Variants in EIF3H observed in about 807,000 individuals in gnomAD.
The protein encoded by EIF3H is eIF-3-gamma.
Under a neutral mutation model 44.2 loss-of-function variants are expected in EIF3H, and 26 were observed. The ratio of observed to expected loss-of-function variants is 0.59; its 90% CI spans 0.43 to 0.82. The LOEUF (loss-of-function observed/expected upper bound fraction) is 0.82. Among genes scored for constraint, EIF3H ranks in the 40% least tolerant of loss-of-function variants. The pLI is 0.00. For missense variants in EIF3H, 359 were observed against 432.8 expected (o/e 0.83, Z 1.51); for synonymous variants, 166 against 151.9 (o/e 1.09, Z -0.68).
intron 1 of EIF3H, among the ~76,000 whole-genome samples, chr8:116,747,148 T>C (rs201150272): frequency 6.6e-6 from 1 of 151,350 alleles, no homozygotes; most frequent in Non-Finnish European, 1.5e-5. Context: ...CTGCAACCTC[T>C]GCCTCCCAGG....
At chr8:116,663,053 T>A (rs888359247) in intron 2 of EIF3H, among the ~76,000 whole-genome samples, 1 of 152,132 alleles carries the variant, frequency 6.6e-6, no homozygotes, top group Non-Finnish European at 1.5e-5. Context: ...AATTGGTTTG[T>A]GATGAAGATG....
chr8:116,742,422 T>A (rs563019978), intron 1 of EIF3H, among the ~76,000 whole-genome samples: 2 of 152,380 alleles, frequency 1.3e-5, no homozygotes, highest in East Asian at 3.9e-4. Flanking sequence ...GTTTAATTTA[T>A]AAGTTTCTGC....
rs553515724 is a variant in EIF3H at position 116,696,887 on chromosome 8, A to C, written c.289+29129T>G. ...GCCCTGCACACACAAAAAAGTCAAA[A>C]GCACAGGTGACAAAACTTTTGTAAA... On this transcript the variant is annotated intron_variant, in intron 2 of 7. Transcript: ENST00000521861. 1.1e-3 allele frequency among the ~76,000 whole-genome samples: 170 copies of C among 152,366 alleles called. 2 individuals are homozygous for C. The highest frequency in any genetic ancestry group is 3.8e-3 in the African/African-American group (160 of 41,582).
chr8:116,735,965 G>T (rs1252496175), intron 1 of EIF3H, among the ~76,000 whole-genome samples: 7 of 152,114 alleles, frequency 4.6e-5, no homozygotes, highest in Non-Finnish European at 1.0e-4. Flanking sequence ...CGCTGAAAAA[G>T]CTTCACATTT....
intron 1 of EIF3H, among the ~76,000 whole-genome samples, chr8:116,752,665 G>GAAGAAAGAAAGAAGGAAAGA (rs1815360957): frequency 1.6e-5 from 1 of 62,554 alleles, no homozygotes; most frequent in Non-Finnish European, 3.0e-5. Context: ...AGACAGAAAT[G>GAAGAAAGAAAGAAGGAAAGA]AAGAAAGAAA....
intron 2 of EIF3H, among the ~76,000 whole-genome samples, chr8:116,724,229 G>A (rs572694156): frequency 5.6e-4 from 86 of 152,252 alleles, no homozygotes; most frequent in African/African-American, 2.1e-3. Flanking sequence ...TTCAACAGAT[G>A]GTGCTAGGAA....
intron 6 of EIF3H, among the ~76,000 whole-genome samples, chr8:116,648,287 T>C (rs1232762468): frequency 6.6e-6 from 1 of 152,224 alleles, no homozygotes; most frequent in Non-Finnish European, 1.5e-5. Context: ...AAGAAAAGGT[T>C]ATATGGTCAC....
chr8:116,754,753 A>G (rs1364541020), intron 1 of EIF3H, among the ~76,000 whole-genome samples: 1 of 152,272 alleles, frequency 6.6e-6, no homozygotes, highest in Non-Finnish European at 1.5e-5. Context: ...ATCCAGTTTA[A>G]CTAAGTCAGT....
Position 116,752,734 on chromosome 8 carries a change from AG to A in EIF3H, c.132+2931del, listed in dbSNP as rs570419522. Among the ~76,000 whole-genome samples the A allele has an allele frequency of 5.0e-3, 511 of 101,890 alleles. 4 individuals carry two copies. Among genetic ancestry groups the A allele is most frequent in the African/African-American group, 0.011 (295 of 27,972 alleles). The allele number at this position is 101,890 out of a possible 152,430, so 66.8% of individuals were successfully genotyped here. ...AAAGAAAGAAAGAAAGAAAGAAAGAAGAGAAAGAAAGAAAGAAAGAGGGAGG... is the reference window on the plus strand; with the variant it reads ...AAAGAAAGAAAGAAAGAAAGAAAGAAAGAAAGAAAGAAAGAAAGAGGGAGG... On this transcript the variant is annotated intron_variant, in intron 1 of 7. Transcript: ENST00000521861.
intron 2 of EIF3H, among the ~76,000 whole-genome samples, chr8:116,706,680 G>A (rs1032986227): frequency 1.3e-5 from 2 of 152,062 alleles, no homozygotes; most frequent in South Asian, 2.1e-4. Flanking sequence ...GACTACAGGC[G>A]AATGCCACCA....
At chr8:116,721,095 C>T (rs574668994) in intron 2 of EIF3H, among the ~76,000 whole-genome samples, 38 of 152,286 alleles carry the variant, frequency 2.5e-4, no homozygotes, top group African/African-American at 8.7e-4. Context: ...ACAGCAGCAG[C>T]TCCCACCACA....
At chr8:116,726,254 A>G in intron 1 of EIF3H, 82 bp from the exon 2 acceptor site, 1 of 1,471,370 alleles carries the variant, frequency 6.8e-7, no homozygotes, top group Non-Finnish European at 9.0e-7. Context: ...AACAAAAGAA[A>G]CTGTACTAGG....
At chr8:116,707,565 C>CTTAAG (rs71567916) in intron 2 of EIF3H, among the ~76,000 whole-genome samples, 134,767 of 151,688 alleles carry the variant, frequency 0.89, 60,157 homozygotes, top group African/African-American at 0.96. Flanking sequence ...ACGTGAGATA[C>CTTAAG]TTATTTGATA....
intron 2 of EIF3H, among the ~76,000 whole-genome samples, chr8:116,674,413 C>A (rs1054807541): frequency 6.6e-6 from 1 of 151,974 alleles, no homozygotes; most frequent in Non-Finnish European, 1.5e-5. Context: ...GTAGCAATAT[C>A]CTCTTCTTGA....
chr8:116,702,168 G>A (rs1024890420), intron 2 of EIF3H, among the ~76,000 whole-genome samples: 1 of 152,180 alleles, frequency 6.6e-6, no homozygotes, highest in African/African-American at 2.4e-5. Context: ...TGATCAGCTG[G>A]AATGGGGAAG....
At position 116,681,773 on chromosome 8, in the gene EIF3H, A is replaced by G. The variant is rs563919029; in HGVS notation, c.290-22793T>C. 4.6e-5 allele frequency among the ~76,000 whole-genome samples: 7 copies of G among 152,316 alleles called. No individual in the cohort carries two copies. In the South Asian group the frequency reaches 1.4e-3, roughly 32 times the overall value. ...TGTTAAAGATGACACAAGATAAACA[A>G]TTCTTTTCTAAATTCTGTAAAATAC... is the stretch of plus-strand genomic sequence containing the variant. On this transcript the variant is annotated intron_variant, in intron 2 of 7. Transcript: ENST00000521861.
intron 1 of EIF3H, among the ~76,000 whole-genome samples, chr8:116,730,678 G>A (rs1814936700): frequency 6.6e-6 from 1 of 152,110 alleles, no homozygotes; most frequent in Non-Finnish European, 1.5e-5. Context: ...TCCATGTTGT[G>A]CTCATTGTTT....
intron 1 of EIF3H, among the ~76,000 whole-genome samples, chr8:116,765,130 T>C (rs896085983): frequency 1.3e-5 from 2 of 152,092 alleles, no homozygotes; most frequent in South Asian, 2.1e-4. Context: ...GGTGGGCGCA[T>C]AGTTGGAGTA....
intron 4 of EIF3H, 34 bp from the exon 5 acceptor site, chr8:116,656,039 G>A (rs768685365): frequency 2.0e-5 from 32 of 1,601,386 alleles, no homozygotes; most frequent in Non-Finnish European, 2.7e-5. Flanking sequence ...TTAGTCTGAT[G>A]GTCAAAAGTA....
Sources: gnomAD v4.1 joint callset for allele counts (sites outside exome capture counted in the v4.1 genomes callset) on GRCh38, gnomAD v4.1.1 for gene constraint, MANE v1.5 for transcripts, NCBI Gene and HGNC (gene_info 2026-07-23, HGNC 2026-07-21) for gene names.